The following C2 variants were observed in gnomAD, a reference collection of about 807,000 sequenced individuals.
C2 encodes the protein C3/C5 convertase.
C2 carries 64 observed loss-of-function variants against 85.2 expected under a neutral mutation model. That is an observed-to-expected ratio of 0.75 (90% confidence interval 0.61 to 0.92). The LOEUF (loss-of-function observed/expected upper bound fraction) is 0.92. Ranked by LOEUF, C2 falls within the 40% of genes least tolerant of loss-of-function variation. The pLI, the probability that C2 is intolerant of heterozygous loss-of-function variation, is 0.00. For missense variants in C2, 820 were observed against 971.6 expected, an observed-to-expected ratio of 0.84 and a Z score of 2.07; for synonymous variants, 311 against 370.8, an observed-to-expected ratio of 0.84 and a Z score of 1.85.
chr6:31,917,232 T>C (rs1034097576), upstream of C2, among the ~76,000 whole-genome samples: 10 of 151,824 alleles, frequency 6.6e-5, no homozygotes, highest in African/African-American at 2.4e-4. Flanking sequence ...TTTATAAATT[T>C]ATAGTTCAAA....
In C2 at chr6:31,945,061, G is replaced by A. The variant is rs377223802; in HGVS notation, c.2079+32G>A. ...AGGTAGAAGCTTGCAGGACCCAGGG[G>A]TTACAGGATCTCAGCCTTGTTGGGG... is the stretch of plus-strand genomic sequence containing the variant. On this transcript the variant is annotated intron_variant, in intron 17 of 17. Coordinates refer to ENST00000299367, the MANE Select transcript of C2 (RefSeq NM_000063.6). The surrounding 1 kb of genome is among the most constrained non-coding windows in gnomAD (Gnocchi z 5.3). 6.8e-5 allele frequency: 109 copies of A among 1,612,778 alleles called. 1 individual carries two copies. In the Middle Eastern group the frequency reaches 1.2e-3, roughly 17 times the overall value.
chr6:31,898,643 C>CTTTTTTTTTTT (rs75322477), upstream of C2, among the ~76,000 whole-genome samples: 1 of 135,678 alleles, frequency 7.4e-6, no homozygotes, highest in African/African-American at 2.8e-5. Context: ...CCAAACTTAG[C>CTTTTTTTTTTT]TTTTTTTTTT....
Position 31,943,389 on chromosome 6 carries a change from C to A in C2, c.1456-27C>A. ...GGCCATGGGCCAGACATACTGCAAT[C>A]TCTGAAAATCACCTGTTCCCCTGCA... On this transcript the variant is annotated intron_variant, in intron 11 of 17. Transcript: ENST00000299367. The surrounding 1 kb of genome is among the most constrained non-coding windows in gnomAD (Gnocchi z 6.4). 1 of 1,609,904 alleles carries A rather than the reference C, an allele frequency of 6.2e-7. No individual in the cohort carries two copies. Among genetic ancestry groups the A allele is most frequent in the Non-Finnish European group, 8.5e-7 (1 of 1,177,110 alleles).
At chr6:31,931,693 T>A in intron 3 of C2, among the ~76,000 whole-genome samples, 1 of 152,124 alleles carries the variant, frequency 6.6e-6, no homozygotes, top group Non-Finnish European at 1.5e-5. Flanking sequence ...ACCATCCGAT[T>A]TCTCAATCTT....
chr6:31,931,779 T>C (rs7767506), intron 3 of C2, among the ~76,000 whole-genome samples: 7,590 of 152,036 alleles, frequency 0.05, 256 homozygotes, highest in African/African-American at 0.093. Context: ...AGCTGTTGGG[T>C]ACACCTCCCA....
Position 31,920,114 on chromosome 6 carries a change from A to G in C2, c.-100+88A>G. On this transcript the variant is annotated intron_variant, in intron 1 of 3. Transcript: ENST00000413154. The surrounding 1 kb of genome is among the most constrained non-coding windows in gnomAD (Gnocchi z 5.6). ...TTAAGTCAAAGCCTGAATTCCTCAT[A>G]CCACACTGGGGCTGGGGCCAGAGAC... 1 of 152,590 alleles carries G rather than the reference A, an allele frequency of 6.6e-6. No homozygotes were observed. Among genetic ancestry groups the G allele is most frequent in the Non-Finnish European group, 1.5e-5 (1 of 68,240 alleles). The allele number at this position is 152,590 out of a possible 1,614,324, so 9.5% of individuals were successfully genotyped here. A position where few individuals can be genotyped will look rare whatever the true frequency, so the allele number is the denominator to read the frequency against.
upstream of C2, chr6:31,900,652 C>T (rs2151689072): frequency 6.2e-7 from 1 of 1,612,872 alleles, no homozygotes; most frequent in East Asian, 2.2e-5. This position sits in a 1 kb window ranked among gnomAD's most constrained non-coding sequence, Gnocchi z 9.7. Context: ...GGTGTGCCAC[C>T]TCCAGGGCCG....
upstream of C2, chr6:31,900,916 T>C (rs763663719): frequency 6.2e-7 from 1 of 1,614,086 alleles, no homozygotes; most frequent in Non-Finnish European, 8.5e-7. This position sits in a 1 kb window ranked among gnomAD's most constrained non-coding sequence, Gnocchi z 9.7. Context: ...TGAGGCCTAT[T>C]TTGGGCTCAA....
chr6:31,900,992 G>A (rs1260774628), upstream of C2: 2 of 1,614,238 alleles, frequency 1.2e-6, no homozygotes, highest in Non-Finnish European at 1.7e-6. This position sits in a 1 kb window ranked among gnomAD's most constrained non-coding sequence, Gnocchi z 9.7. Flanking sequence ...GGAGGCGGCT[G>A]TAAGGTAGTT....
At chr6:31,938,723 G>A (rs1000605161) in intron 8 of C2, among the ~76,000 whole-genome samples, 2 of 151,700 alleles carry the variant, frequency 1.3e-5, no homozygotes, top group East Asian at 1.9e-4. Flanking sequence ...GCAATGGCGC[G>A]ATTTCGGCTC....
At chr6:31,908,381 G>A (rs575552947) in intron 1 of C2, among the ~76,000 whole-genome samples, 28 of 151,694 alleles carry the variant, frequency 1.8e-4, no homozygotes, top group Middle Eastern at 3.4e-3. Flanking sequence ...GCTGGGTGGG[G>A]TGACTCACTC....
chr6:31,900,142 C>T (rs1767088476), upstream of C2: 3 of 1,614,138 alleles, frequency 1.9e-6, no homozygotes, highest in African/African-American at 1.3e-5. The surrounding 1 kb of genome is among the most constrained non-coding windows in gnomAD (Gnocchi z 9.7). Context: ...AGATGCCGCA[C>T]GAGTGTGACT....
upstream of C2, among the ~76,000 whole-genome samples, chr6:31,898,641 A>G (rs9469069): frequency 0.076 from 9,786 of 128,392 alleles, 556 homozygotes; most frequent in African/African-American, 0.16. Context: ...ATCCAAACTT[A>G]GCTTTTTTTT....
chr6:31,937,519 A>G lies in C2; in HGVS notation c.1129+60A>G, dbSNP rs1045265613. 2.5e-6 allele frequency: 4 copies of G among 1,601,452 alleles called. No individual in the cohort carries two copies. The African/African-American group carries it at 4.0e-5, about 16-fold the overall frequency. On this transcript the variant is annotated intron_variant, in intron 8 of 17. Transcript: ENST00000299367. ...GTGGAAGGGGCACCAATATGGGGTC[A>G]GAAGCCCTGAATTCTGATTCTCCCT...
chr6:31,930,608 AT>A (rs1159179670), intron 3 of C2, among the ~76,000 whole-genome samples: 6 of 152,140 alleles, frequency 3.9e-5, no homozygotes, highest in Non-Finnish European at 2.9e-5. Flanking sequence ...CTGGAGCTGC[AT>A]TTGCCTGTGG....
rs1771066414 is a variant in C2, at chr6:31,943,479, C to T, written c.1519C>T (p.His507Tyr). 3.1e-6 allele frequency: 5 copies of T among 1,612,970 alleles called. No homozygotes were observed. Among genetic ancestry groups the T allele is most frequent in the South Asian group, 2.2e-5 (2 of 91,090 alleles). ...CGACCAATGGGTCCTGACAGCAGCT[C>T]ATTGCTTCCGCGATGGCAACGACCA... ...ISDQWVLTAA[H>Y]CFRDGNDHSL... The change falls in exon 12 of 18, where the codon CAT becomes TAT. Residue 507 changes from histidine (H) to tyrosine (Y), a missense_variant. Physicochemically the swap from His to Tyr is moderately conservative, Grantham distance 83. Transcript: ENST00000299367. This position sits in a 1 kb window ranked among gnomAD's most constrained non-coding sequence, Gnocchi z 6.4.
Position 31,934,315 on chromosome 6 carries a change from T to C in C2, c.849+16T>C, listed in dbSNP as rs761825604. On this transcript the variant is annotated intron_variant, in intron 6 of 17. Transcript: ENST00000299367. Reference sequence around the variant, plus strand: ...GGTGGACAGGGTCAGGAATCAGGAGTCTGCCTGCAGCAGAGGCCTTCCTGT... The same window carrying C: ...GGTGGACAGGGTCAGGAATCAGGAGCCTGCCTGCAGCAGAGGCCTTCCTGT... 6 of 1,593,626 alleles carry C rather than the reference T, an allele frequency of 3.8e-6. No homozygotes were observed. The highest frequency in any genetic ancestry group is 5.2e-6 in the Non-Finnish European group (6 of 1,162,492).
At chr6:31,916,362 C>T (rs182535361), upstream of C2, among the ~76,000 whole-genome samples, 179 of 152,054 alleles carry the variant, frequency 1.2e-3, no homozygotes, top group South Asian at 2.9e-3. Flanking sequence ...AGTTCGAGAC[C>T]AGCCTGGCCA....
intron 1 of C2, among the ~76,000 whole-genome samples, chr6:31,912,302 A>G (rs990944159): frequency 6.6e-6 from 1 of 152,190 alleles, no homozygotes; most frequent in Non-Finnish European, 1.5e-5. Context: ...TTTAATGGAT[A>G]TTATTCAGTG....
Sources: allele counts gnomAD v4.1 joint callset (sites outside exome capture counted in the v4.1 genomes callset), GRCh38; gene constraint gnomAD v4.1.1; non-coding constraint Gnocchi (gnomAD v3.1); transcripts MANE v1.5; gene names NCBI Gene and HGNC (gene_info 2026-07-23, HGNC 2026-07-21).